ARB2A: variants seen among roughly 807,000 people sequenced by gnomAD.
The protein encoded by ARB2A is ARB2 cotranscriptional regulator A.
chr5:94,088,774 A>G, the ARB2A span, among the ~76,000 whole-genome samples: 1 of 152,226 alleles, frequency 6.6e-6, no homozygotes, highest in Non-Finnish European at 1.5e-5. Flanking sequence ...AGTAAGTATA[A>G]TAAGTAAAAT....
the ARB2A span, among the ~76,000 whole-genome samples, chr5:94,072,628 C>T: frequency 8.6e-5 from 13 of 151,852 alleles, no homozygotes; most frequent in Non-Finnish European, 1.3e-4. Context: ...CTAATACATA[C>T]GAACTAAGAG....
the ARB2A span, among the ~76,000 whole-genome samples, chr5:93,782,897 C>A: frequency 2.0e-5 from 3 of 152,156 alleles, no homozygotes; most frequent in East Asian, 5.8e-4. Context: ...AGAACTAGGG[C>A]ATTTATAAAA....
the ARB2A span, among the ~76,000 whole-genome samples, chr5:93,675,143 T>C: frequency 6.6e-6 from 1 of 152,178 alleles, no homozygotes; most frequent in African/African-American, 2.4e-5. Context: ...TGCCCCACCC[T>C]TGATAATATG....
At chr5:93,657,417 C>T in the ARB2A span, among the ~76,000 whole-genome samples, 1 of 152,106 alleles carries the variant, frequency 6.6e-6, no homozygotes, top group African/African-American at 2.4e-5. Context: ...ATGTCTTATA[C>T]TTTGTCAGCA....
chr5:93,641,318 C>T, the ARB2A span, among the ~76,000 whole-genome samples: 2 of 151,786 alleles, frequency 1.3e-5, no homozygotes, highest in African/African-American at 2.4e-5. Context: ...AATTATTTCC[C>T]AAAGAATCTC....
chr5:94,099,604 A>G, the ARB2A span, among the ~76,000 whole-genome samples: 3 of 144,972 alleles, frequency 2.1e-5, no homozygotes, highest in Non-Finnish European at 4.5e-5. Flanking sequence ...AGTCTTGGCA[A>G]CAGTGAGATG....
the ARB2A span, among the ~76,000 whole-genome samples, chr5:93,652,079 C>T: frequency 4.6e-5 from 7 of 152,094 alleles, no homozygotes; most frequent in African/African-American, 1.2e-4. Flanking sequence ...GACACAAATC[C>T]AAACATATCA....
chr5:94,087,467 T>C, the ARB2A span, among the ~76,000 whole-genome samples: 2 of 152,152 alleles, frequency 1.3e-5, no homozygotes, highest in Admixed American at 6.5e-5. Flanking sequence ...TAGTTTATTA[T>C]TGAATAAAAC....
the ARB2A span, among the ~76,000 whole-genome samples, chr5:94,087,868 C>G: frequency 6.6e-6 from 1 of 152,128 alleles, no homozygotes; most frequent in Admixed American, 6.5e-5. Context: ...GCAATATATA[C>G]CATATGTAGC....
the ARB2A span, among the ~76,000 whole-genome samples, chr5:93,911,085 G>A: frequency 5.3e-5 from 8 of 151,550 alleles, no homozygotes; most frequent in East Asian, 9.7e-4. Context: ...GGAAGAGTAC[G>A]TTTCTTTTTG....
chr5:94,052,798 A>G, the ARB2A span, among the ~76,000 whole-genome samples: 1 of 152,186 alleles, frequency 6.6e-6, no homozygotes, highest in African/African-American at 2.4e-5. Context: ...CTATAATTTA[A>G]TTAGGAGTTC....
chr5:94,106,724 C>T, the ARB2A span, among the ~76,000 whole-genome samples: 4 of 151,916 alleles, frequency 2.6e-5, no homozygotes, highest in African/African-American at 7.3e-5. Flanking sequence ...ATGGAATCAA[C>T]CTACATACCC....
the ARB2A span, among the ~76,000 whole-genome samples, chr5:94,012,772 G>A: frequency 3.9e-5 from 6 of 152,280 alleles, no homozygotes; most frequent in African/African-American, 1.4e-4. Context: ...CTTGTGCTAG[G>A]AGCCAATACT....
At chr5:93,921,190 A>G in the ARB2A span, among the ~76,000 whole-genome samples, 1 of 151,606 alleles carries the variant, frequency 6.6e-6, no homozygotes, top group African/African-American at 2.4e-5. Flanking sequence ...AAATTCGTGA[A>G]GCTGTAGCTA....
chr5:94,096,841 T>A, the ARB2A span, among the ~76,000 whole-genome samples: 2 of 152,126 alleles, frequency 1.3e-5, no homozygotes, highest in African/African-American at 4.8e-5. Context: ...AGCTGGGAAC[T>A]CAACACAGGG....
chr5:93,824,765 A>G, the ARB2A span, among the ~76,000 whole-genome samples: 3 of 152,220 alleles, frequency 2.0e-5, no homozygotes, highest in African/African-American at 7.2e-5. Flanking sequence ...TTGTTTGATG[A>G]GAGGAATGAG....
chr5:93,857,602 T>C, the ARB2A span, among the ~76,000 whole-genome samples: 2 of 152,174 alleles, frequency 1.3e-5, no homozygotes, highest in African/African-American at 4.8e-5. Flanking sequence ...GTGCGGGATA[T>C]AATCTCCTGG....
chr5:94,059,618 C>CAAAAA, the ARB2A span, among the ~76,000 whole-genome samples: 2 of 62,758 alleles, frequency 3.2e-5, no homozygotes, highest in Non-Finnish European at 5.2e-5. Flanking sequence ...GAGACTGTCT[C>CAAAAA]AAAAAAAAAA....
chr5:93,974,240 CA>C, the ARB2A span, among the ~76,000 whole-genome samples: 1 of 151,984 alleles, frequency 6.6e-6, no homozygotes, highest in African/African-American at 2.4e-5. Context: ...TCTATCTATA[CA>C]GAAAGATCTT....
Sources: allele counts gnomAD v4.1 joint callset (sites outside exome capture counted in the v4.1 genomes callset), GRCh38; gene constraint gnomAD v4.1.1; transcripts MANE v1.5; gene names NCBI Gene and HGNC (gene_info 2026-07-23, HGNC 2026-07-21).